The following AXIN1 variants were observed in gnomAD, a reference collection of about 807,000 sequenced individuals.
AXIN1 encodes axin 1.
A neutral mutation model predicts 76.4 loss-of-function variants in AXIN1; 30 were observed. The ratio of observed to expected loss-of-function variants is 0.39; its 90% CI spans 0.29 to 0.53. AXIN1 has a LOEUF of 0.53. Ranked by LOEUF, AXIN1 falls within the 20% of genes least tolerant of loss-of-function variation. AXIN1 has a pLI of 0.66. For missense variants in AXIN1, 1,140 were observed against 1,198.8 expected (o/e 0.95, Z 0.72); for synonymous variants, 545 against 501.4 (o/e 1.09, Z -1.16).
intron 1 of AXIN1, among the ~76,000 whole-genome samples, chr16:351,609 C>CAA (rs3073808): frequency 5.5e-5 from 8 of 144,406 alleles, no homozygotes; most frequent in Admixed American, 2.1e-4. Flanking sequence ...GACTCCGTCT[C>CAA]AAAAAAAAAA....
At chr16:337,009 G>A (rs1403996626) in intron 2 of AXIN1, among the ~76,000 whole-genome samples, 1 of 150,956 alleles carries the variant, frequency 6.6e-6, no homozygotes, top group Non-Finnish European at 1.5e-5. Context: ...AATTAGCCGG[G>A]CATGGTGGCA....
chr16:343,238 G>A (rs1176406525), intron 2 of AXIN1, among the ~76,000 whole-genome samples: 3 of 152,190 alleles, frequency 2.0e-5, no homozygotes, highest in Non-Finnish European at 2.9e-5. Context: ...TCATAGCAAA[G>A]GTTCCTTATT....
At chr16:325,478 G>A (rs1426485028) in intron 2 of AXIN1, among the ~76,000 whole-genome samples, 4 of 152,198 alleles carry the variant, frequency 2.6e-5, no homozygotes. Context: ...TTGGGGCAGC[G>A]CTTCCCAGCG....
chr16:304,625 C>T (rs1402795921), intron 4 of AXIN1, among the ~76,000 whole-genome samples, 184 bp from the exon 5 acceptor site: 1 of 152,194 alleles, frequency 6.6e-6, no homozygotes, highest in African/African-American at 2.4e-5. Context: ...ACCTCTGCTT[C>T]CCGGGTTCAA....
intron 1 of AXIN1, among the ~76,000 whole-genome samples, chr16:348,668 T>C (rs539010845): frequency 2.0e-5 from 3 of 152,266 alleles, no homozygotes; most frequent in Admixed American, 1.3e-4. Context: ...CCGGGTATGG[T>C]AGCGTATGCC....
In AXIN1 at chr16:301,135, A is replaced by G. The variant is rs539839774; in HGVS notation, c.1255-2884T>C. On this transcript the variant is annotated intron_variant, in intron 5 of 10. Coordinates refer to ENST00000262320, the MANE Select transcript of AXIN1 (RefSeq NM_003502.4). ...AATACAAAAAAATTAGCCGGGCGTG[A>G]TGGTGGGCGCCTGTAGTCCCAGCTA... 2.2e-3 allele frequency among the ~76,000 whole-genome samples: 332 copies of G among 152,058 alleles called. 1 individual carries two copies. The highest frequency in any genetic ancestry group is 5.7e-3 in the Admixed American group (87 of 15,272).
At chr16:341,583 G>A (rs575493219) in intron 2 of AXIN1, among the ~76,000 whole-genome samples, 2 of 152,316 alleles carry the variant, frequency 1.3e-5, no homozygotes, top group Middle Eastern at 3.4e-3. Flanking sequence ...GAGTCTCCCC[G>A]ACGAGCGCCC....
At chr16:338,660 C>T (rs1287923485) in intron 2 of AXIN1, among the ~76,000 whole-genome samples, 2 of 152,252 alleles carry the variant, frequency 1.3e-5, no homozygotes, top group African/African-American at 2.4e-5. Flanking sequence ...CAGTGGCTCA[C>T]GCCTATAATT....
chr16:311,557 G>C (rs545063188), intron 3 of AXIN1, among the ~76,000 whole-genome samples: 2 of 151,516 alleles, frequency 1.3e-5, no homozygotes, highest in African/African-American at 4.8e-5. Flanking sequence ...GGATCACGAG[G>C]TCAGGAGATC....
chr16:345,101 G>A (rs546738739), intron 2 of AXIN1, among the ~76,000 whole-genome samples: 1 of 152,258 alleles, frequency 6.6e-6, no homozygotes, highest in Admixed American at 6.5e-5. Flanking sequence ...CAGCCCGAAA[G>A]CCAAATAAAC....
rs1178029353 is a variant in AXIN1 at position 317,562 on chromosome 16, C to T, written c.879-2879G>A. Among the ~76,000 whole-genome samples the T allele has an allele frequency of 2.0e-5, 3 of 152,212 alleles. 1 individual carries two copies. Among genetic ancestry groups the T allele is most frequent in the Non-Finnish European group, 4.4e-5 (3 of 68,036 alleles). Reference sequence around the variant, plus strand: ...AGTCACGGCCAGGTGACGGCAGCCTCAGGCTGACAGCAACCATGGGGCCGC... The same window carrying T: ...AGTCACGGCCAGGTGACGGCAGCCTTAGGCTGACAGCAACCATGGGGCCGC... On this transcript the variant is annotated intron_variant, in intron 2 of 10. Coordinates refer to ENST00000262320, the MANE Select transcript of AXIN1 (RefSeq NM_003502.4).
Position 318,843 on chromosome 16 carries a change from C to T in AXIN1, c.879-4160G>A, listed in dbSNP as rs113326057. Among the ~76,000 whole-genome samples, 743 of 152,156 alleles carry T rather than the reference C, an allele frequency of 4.9e-3. 9 individuals are homozygous for T. Among genetic ancestry groups the T allele is most frequent in the African/African-American group, 0.016 (667 of 41,466 alleles). On this transcript the variant is annotated intron_variant, in intron 2 of 10. Coordinates refer to ENST00000262320, the MANE Select transcript of AXIN1 (RefSeq NM_003502.4). ...CCCCTGGCTGTGTGCGGTGAGAATGCGGCTGGGGCCTTGGTGAGAGCGGCT... is the reference window on the plus strand; with the variant it reads ...CCCCTGGCTGTGTGCGGTGAGAATGTGGCTGGGGCCTTGGTGAGAGCGGCT...
At chr16:317,741 A>G (rs2053336725) in intron 2 of AXIN1, among the ~76,000 whole-genome samples, 1 of 152,216 alleles carries the variant, frequency 6.6e-6, no homozygotes, top group Non-Finnish European at 1.5e-5. Flanking sequence ...ATCATGCAGT[A>G]TTTATAAATG....
At chr16:324,906 G>A (rs1347142128) in intron 2 of AXIN1, among the ~76,000 whole-genome samples, 1 of 152,226 alleles carries the variant, frequency 6.6e-6, no homozygotes, top group Non-Finnish European at 1.5e-5. Context: ...GCAGCGCCCG[G>A]TGCACAGTTC....
chr16:302,390 T>C (rs1567270077), intron 5 of AXIN1, among the ~76,000 whole-genome samples: 2 of 152,214 alleles, frequency 1.3e-5, no homozygotes, highest in Non-Finnish European at 2.9e-5. Flanking sequence ...CAGCTCCACA[T>C]GGTGGCAAAA....
intron 2 of AXIN1, among the ~76,000 whole-genome samples, chr16:320,061 C>T (rs2053404083): frequency 6.6e-6 from 1 of 152,170 alleles, no homozygotes; most frequent in Non-Finnish European, 1.5e-5. Flanking sequence ...CTGCCTCTTC[C>T]CAGGCCGCAT....
intron 1 of AXIN1, 115 bp downstream of exon 1, chr16:352,254 C>A: frequency 1.6e-6 from 1 of 629,004 alleles, no homozygotes; most frequent in East Asian, 1.4e-4. Context: ...CAGCTCCCCG[C>A]GCGCCCACCC....
chr16:320,743 A>ATATATATATATATATATATT (rs397722732), intron 2 of AXIN1, among the ~76,000 whole-genome samples: 1 of 107,664 alleles, frequency 9.3e-6, no homozygotes, highest in African/African-American at 4.6e-5. Flanking sequence ...ATATATATAT[A>ATATATATATATATATATATT]TTTTTTTTTT....
Position 289,574 on chromosome 16 carries a change from A to C in AXIN1, c.2328T>G (p.Ser776Arg), listed in dbSNP as rs1266544293. 6.2e-7 allele frequency: 1 copy of C among 1,612,808 alleles called. No individual in the cohort carries two copies. Among genetic ancestry groups the C allele is most frequent in the Non-Finnish European group, 8.5e-7 (1 of 1,179,982 alleles). ...CAACGATGCTGTCACACGGCTGGGC[A>C]CTCCCGCCGCCCACCTTCCTCTGCG... ...TRSQRKVGGG[S>R]AQPCDSIVVA... Residue 776 changes from serine to arginine, a missense_variant, in exon 10 of 11, where the codon AGT becomes AGG. Physicochemically the swap from Ser to Arg is moderately radical, Grantham distance 110. Coordinates refer to ENST00000262320, the MANE Select transcript of AXIN1 (RefSeq NM_003502.4).
Sources: allele counts gnomAD v4.1 joint callset (sites outside exome capture counted in the v4.1 genomes callset), GRCh38; gene constraint gnomAD v4.1.1; transcripts MANE v1.5; gene names NCBI Gene and HGNC (gene_info 2026-07-23, HGNC 2026-07-21).